Variants in VCP observed in about 807,000 individuals in gnomAD.
The protein encoded by VCP is valosin containing protein, also known as transitional endoplasmic reticulum ATPase.
In VCP, 6 loss-of-function variants were observed where a neutral mutation model predicts 85.7. That is an observed-to-expected ratio of 0.07 (90% CI 0.04 to 0.14). The LOEUF is 0.14. Among genes scored for constraint, VCP ranks in the 10% least tolerant of loss-of-function variants. The probability of loss-of-function intolerance (pLI) is 1.00; values close to 1 mark genes in which losing one functional copy is unlikely to be tolerated. For synonymous variants in VCP, 384 were observed against 367.1 expected, an observed-to-expected ratio of 1.05 and a Z score of -0.53; for missense variants, 353 against 1,043.4, an observed-to-expected ratio of 0.34 and a Z score of 9.12.
intron 15 of VCP, 86 bp from the exon 16 acceptor site, chr9:35,057,616 G>C: frequency 6.4e-7 from 1 of 1,564,052 alleles, no homozygotes. Context: ...CAGTTTATTG[G>C]TCTCCTTGCC....
chr9:35,060,496 C>T lies in VCP; in HGVS notation c.1512G>A (p.Leu504=), dbSNP rs200548800. Reference sequence around the variant, plus strand: ...CCTTGGAAGGTGTCATGCCAAACTTCAGGAATTTGTCTGGGTGCTCCACAG... The same window carrying T: ...CCTTGGAAGGTGTCATGCCAAACTTTAGGAATTTGTCTGGGTGCTCCACAG... ...QYPVEHPDKF[L]KFGMTPSKGV... is the part of the protein sequence containing the mutation. The change falls in exon 13 of 17, where the codon CTG becomes CTA. Residue 504 remains leucine (L), a synonymous_variant. Coordinates refer to ENST00000358901, the MANE Select transcript of VCP (RefSeq NM_007126.5). The T allele has an allele frequency of 2.5e-6, 4 of 1,614,162 alleles. No individual in the cohort carries two copies. In the African/African-American group the frequency reaches 5.3e-5, roughly 22 times the overall value.
intron 4 of VCP, among the ~76,000 whole-genome samples, chr9:35,065,910 G>A (rs1006531027): frequency 3.3e-5 from 5 of 152,180 alleles, no homozygotes; most frequent in Non-Finnish European, 5.9e-5. Flanking sequence ...TGGCTCACCT[G>A]AGGTCAAGAG....
chr9:35,057,288 C>G, intron 16 of VCP, 66 bp from the exon 17 acceptor site: 19 of 1,613,546 alleles, frequency 1.2e-5, no homozygotes, highest in Non-Finnish European at 1.6e-5. Context: ...TCCACAACTA[C>G]CCCTCTAGCT....
intron 9 of VCP, 134 bp from the exon 10 acceptor site, chr9:35,061,823 G>A: frequency 7.0e-7 from 1 of 1,424,902 alleles, no homozygotes. Flanking sequence ...CAAGCTCTGG[G>A]AAACCTTTCA....
chr9:35,059,512 C>T lies in VCP; in HGVS notation c.1985G>A (p.Arg662His), dbSNP rs762185724. ...SRVAILKANLRKSPVAKDVDL... is the reference protein window; with the variant it reads ...SRVAILKANLHKSPVAKDVDL... ...ACCTGCCTTGGCAACTGGGGACTTGCGCAGGTTAGCCTTGAGGATGGCAAC... is the reference window on the plus strand; with the variant it reads ...ACCTGCCTTGGCAACTGGGGACTTGTGCAGGTTAGCCTTGAGGATGGCAAC... Residue 662 changes from arginine to histidine, a missense_variant, in exon 14 of 17, where the codon CGC (arginine) becomes CAC (histidine). Physicochemically the swap from Arg to His is conservative, Grantham distance 29 (BLOSUM62 0). Transcript: ENST00000358901. This position sits in a 1 kb window ranked among gnomAD's most constrained non-coding sequence, Gnocchi z 4.9. The T allele has an allele frequency of 6.2e-6, 10 of 1,613,924 alleles. No individual in the cohort carries two copies. The highest frequency in any genetic ancestry group is 4.4e-5 in the South Asian group (4 of 91,084).
At chr9:35,072,094 C>A (rs1828963834) in intron 1 of VCP, 1 of 1,331,284 alleles carries the variant, frequency 7.5e-7, no homozygotes, top group African/African-American at 1.6e-5. Flanking sequence ...TGACACAGCA[C>A]GATCCGGCCC....
rs1484777956 is a variant in VCP, at chr9:35,056,390, T to TAGG, written c.*726_*727insCCT. The TAGG allele has an allele frequency of 6.5e-6, 1 of 154,406 alleles. No individual in the cohort carries two copies. The highest frequency in any genetic ancestry group is 2.4e-5 in the African/African-American group (1 of 41,422). 9.6% of individuals were successfully genotyped at this position (154,406 alleles called of 1,614,324 possible). ...CCTTTCCACCAGTCCTATCCAGTGA[T>TAGG]ACTGCAGACAAAGGGTGAGGCAACA... On this transcript the variant is annotated 3_prime_UTR_variant, in exon 17 of 17. Coordinates refer to ENST00000358901, the MANE Select transcript of VCP (RefSeq NM_007126.5).
At chr9:35,063,160 G>A (rs1222141244) in intron 6 of VCP, 80 bp from the exon 7 acceptor site, 9 of 1,261,688 alleles carry the variant, frequency 7.1e-6, no homozygotes, top group South Asian at 6.0e-5. Context: ...TCCAGAGAGG[G>A]TGAGAATCAG....
chr9:35,057,596 C>T, intron 15 of VCP, 66 bp from the exon 16 acceptor site: 1 of 1,584,850 alleles, frequency 6.3e-7, no homozygotes, highest in East Asian at 2.2e-5. Context: ...TCCCAGGCCT[C>T]CCATTACTGC....
intron 3 of VCP, among the ~76,000 whole-genome samples, chr9:35,067,274 A>G (rs961805439): frequency 1.3e-5 from 2 of 152,210 alleles, no homozygotes; most frequent in African/African-American, 4.8e-5. Context: ...CAAAAGAATC[A>G]AAAGCCTGAG....
intron 6 of VCP, 82 bp downstream of exon 6, chr9:35,064,072 A>C: frequency 6.2e-7 from 1 of 1,606,980 alleles, no homozygotes; most frequent in Non-Finnish European, 8.5e-7. Flanking sequence ...CCATGCATGA[A>C]AACAGTCCCA....
rs746343398 is a variant in VCP at position 35,065,392 on chromosome 9, A to C, written c.446-11T>G. The stretch of plus-strand genomic sequence containing the variant: ...CAAGAAAAATGTCTCCTGCGAGAGC[A>C]AACAGTACAAGCACAGTTAGAGGTG... On this transcript the variant is annotated splice_polypyrimidine_tract_variant and intron_variant, in intron 4 of 16. Transcript: ENST00000358901. 19 of 1,614,054 alleles carry C rather than the reference A, an allele frequency of 1.2e-5. No homozygotes were observed. The highest frequency in any genetic ancestry group is 1.5e-5 in the Non-Finnish European group (18 of 1,180,022).
At chr9:35,066,402 C>A (rs921652534) in intron 4 of VCP, among the ~76,000 whole-genome samples, 2 of 151,042 alleles carry the variant, frequency 1.3e-5, no homozygotes, top group African/African-American at 2.4e-5. Flanking sequence ...GCTGGGATTA[C>A]AGGTGCCCAC....
chr9:35,068,589 A>C (rs1487297804), intron 1 of VCP, among the ~76,000 whole-genome samples: 1 of 152,226 alleles, frequency 6.6e-6, no homozygotes, highest in African/African-American at 2.4e-5. Context: ...CCCAGCTATA[A>C]GGCCCCAAGT....
At chr9:35,065,561 G>C (rs548320014) in intron 4 of VCP, among the ~76,000 whole-genome samples, 180 bp from the exon 5 acceptor site, 1 of 152,156 alleles carries the variant, frequency 6.6e-6, no homozygotes, top group Non-Finnish European at 1.5e-5. Flanking sequence ...AGATGAGAAA[G>C]GTAAACTGTG....
chr9:35,061,050 T>C lies in VCP; in HGVS notation c.1324A>G (p.Met442Val), dbSNP rs1828712085. The C allele has an allele frequency of 6.2e-7, 1 of 1,614,182 alleles. No individual in the cohort carries two copies. Among genetic ancestry groups the C allele is most frequent in the Non-Finnish European group, 8.5e-7 (1 of 1,180,030 alleles). The change falls in exon 11 of 17, where the codon ATG becomes GTG. Residue 442 changes from methionine to valine, a missense_variant. By Grantham distance (21) the Met-to-Val change is conservative. Around this residue, in one of 8 missense-constraint regions of VCP, gnomAD observed 22 missense variants for 31.2 expected, o/e 0.70. Coordinates refer to ENST00000358901, the MANE Select transcript of VCP (RefSeq NM_007126.5). ...LEDETIDAEVMNSLAVTMDDF... is the reference protein window; with the variant it reads ...LEDETIDAEVVNSLAVTMDDF... The stretch of plus-strand genomic sequence containing the variant: ...TCCATAGTAACTGCTAGAGAGTTCA[T>C]GACCTCGGCATCAATGGTCTCATCC...
At position 35,056,308 on chromosome 9, in the gene VCP, C is replaced by G. The variant is rs1828603618; in HGVS notation, c.*809G>C. 6.6e-6 allele frequency: 1 copy of G among 152,416 alleles called. No individual in the cohort carries two copies. The highest frequency in any genetic ancestry group is 2.4e-5 in the African/African-American group (1 of 41,448). 9.4% of individuals were successfully genotyped at this position (152,416 alleles called of 1,614,324 possible). On this transcript the variant is annotated 3_prime_UTR_variant, in exon 17 of 17. Transcript: ENST00000358901. Reference sequence around the variant, plus strand: ...GCAGGCCTAGCCTTACCGTCCACATCAAATATAGGTGGAGGGATGCCATAT... The same window carrying G: ...GCAGGCCTAGCCTTACCGTCCACATGAAATATAGGTGGAGGGATGCCATAT...
chr9:35,067,549 G>C (rs1310255056), intron 3 of VCP, among the ~76,000 whole-genome samples: 4 of 152,156 alleles, frequency 2.6e-5, no homozygotes, highest in African/African-American at 9.7e-5. Flanking sequence ...TGAGAGTAGT[G>C]AGGAGATTAT....
In VCP at chr9:35,065,939, A is replaced by T. The variant is rs997357861; in HGVS notation, c.446-558T>A. On this transcript the variant is annotated intron_variant, in intron 4 of 16. Coordinates refer to ENST00000358901, the MANE Select transcript of VCP (RefSeq NM_007126.5). ...TCAAGAGTTCGAGACGAGCCTGACC[A>T]ACATGGTGAAACCCCGTCTCTACTA... Among the ~76,000 whole-genome samples the T allele has an allele frequency of 8.5e-5, 13 of 152,174 alleles. No individual in the cohort carries two copies. In the South Asian group the frequency reaches 1.9e-3, roughly 22 times the overall value.
Sources: allele counts gnomAD v4.1 joint callset (sites outside exome capture counted in the v4.1 genomes callset), GRCh38; gene constraint gnomAD v4.1.1; regional missense constraint gnomAD v4.1.1; non-coding constraint Gnocchi (gnomAD v3.1); transcripts MANE v1.5; gene names NCBI Gene and HGNC (gene_info 2026-07-23, HGNC 2026-07-21).